CDKN2B-AS1: variants seen among roughly 807,000 people sequenced by gnomAD.
The protein encoded by CDKN2B-AS1 is CDKN2B and CDKN2A antisense cis and trans regulatory RNA 1.
At chr9:22,121,072 A>G (rs979803106) in intron 4 of CDKN2B-AS1, 2 of 152,162 alleles carry the variant, frequency 1.3e-5, no homozygotes, top group African/African-American at 2.4e-5. Context: ...AATTTACAAA[A>G]TAAAACTGGG....
intron 4 of CDKN2B-AS1, among the ~76,000 whole-genome samples, chr9:22,069,877 T>C (rs543313998): frequency 1.3e-5 from 2 of 152,290 alleles, no homozygotes; most frequent in Admixed American, 1.3e-4. Context: ...TTTTTTGTTT[T>C]TTCTTTTTGC....
At chr9:22,112,936 A>T (rs567637725) in intron 4 of CDKN2B-AS1, among the ~76,000 whole-genome samples, 1 of 152,304 alleles carries the variant, frequency 6.6e-6, no homozygotes, top group South Asian at 2.1e-4. Flanking sequence ...CAAAACTAGA[A>T]GGTTGGTACT....
intron 4 of CDKN2B-AS1, among the ~76,000 whole-genome samples, chr9:22,071,762 G>A (rs1824305266): frequency 6.6e-6 from 1 of 152,042 alleles, no homozygotes; most frequent in Admixed American, 6.6e-5. Context: ...GTATTAATGA[G>A]TTCAACTTCA....
At chr9:22,055,951 T>G (rs73650003) in intron 3 of CDKN2B-AS1, among the ~76,000 whole-genome samples, 6,265 of 152,076 alleles carry the variant, frequency 0.041, 343 homozygotes, top group African/African-American at 0.13. Context: ...TCAGATAGTA[T>G]GGAGGAAGAA....
intron 1 of CDKN2B-AS1, chr9:22,012,420 A>G: frequency 1.3e-6 from 1 of 765,322 alleles, no homozygotes; most frequent in Non-Finnish European, 2.4e-6. Flanking sequence ...ACCTAGAAAT[A>G]CAGCTGAAAC....
At chr9:22,038,888 A>G (rs1261578754) in intron 1 of CDKN2B-AS1, among the ~76,000 whole-genome samples, 1 of 152,088 alleles carries the variant, frequency 6.6e-6, no homozygotes, top group African/African-American at 2.4e-5. Context: ...GGTATAGTGT[A>G]TGCATAGTAA....
intron 1 of CDKN2B-AS1, among the ~76,000 whole-genome samples, chr9:22,033,852 T>C (rs1490692469): frequency 6.6e-6 from 1 of 152,210 alleles, no homozygotes; most frequent in Non-Finnish European, 1.5e-5. Context: ...TGGCACTGAA[T>C]GTGCTATCTC....
chr9:22,120,086 T>A (rs1826059816), intron 4 of CDKN2B-AS1: 1 of 152,262 alleles, frequency 6.6e-6, no homozygotes, highest in Non-Finnish European at 1.5e-5. Flanking sequence ...ACTTAGGTTG[T>A]TGTGAAGATT....
chr9:22,047,779 CT>C (rs1450873176), intron 2 of CDKN2B-AS1, among the ~76,000 whole-genome samples: 5 of 150,742 alleles, frequency 3.3e-5, no homozygotes, highest in Non-Finnish European at 7.4e-5. Flanking sequence ...GATGAGAAAA[CT>C]TTTTTTTTCT....
chr9:22,007,532 A>G (rs1298893401), intron 1 of CDKN2B-AS1, among the ~76,000 whole-genome samples: 1 of 152,186 alleles, frequency 6.6e-6, no homozygotes, highest in Non-Finnish European at 1.5e-5. Context: ...TTATAAGACA[A>G]TTTTTGGTAA....
chr9:22,043,556 T>A (rs1444467989), intron 1 of CDKN2B-AS1, among the ~76,000 whole-genome samples: 1 of 151,982 alleles, frequency 6.6e-6, no homozygotes, highest in African/African-American at 2.4e-5. Flanking sequence ...AAAGATTTGC[T>A]TCTTTCAAAA....
At chr9:22,057,635 C>G (rs1004936693) in intron 4 of CDKN2B-AS1, among the ~76,000 whole-genome samples, 5 of 151,850 alleles carry the variant, frequency 3.3e-5, no homozygotes, top group African/African-American at 1.2e-4. Context: ...ATGGTGTAAA[C>G]CCCATCTCTA....
intron 4 of CDKN2B-AS1, among the ~76,000 whole-genome samples, chr9:22,067,438 A>G (rs1446197534): frequency 6.6e-6 from 1 of 152,190 alleles, no homozygotes; most frequent in Non-Finnish European, 1.5e-5. Flanking sequence ...TGAGTCATGT[A>G]GGCAACTGTT....
At chr9:22,106,243 A>T (rs1289507589) in intron 4 of CDKN2B-AS1, among the ~76,000 whole-genome samples, 1 of 151,954 alleles carries the variant, frequency 6.6e-6, no homozygotes, top group Non-Finnish European at 1.5e-5. Flanking sequence ...CCACCATGCC[A>T]GGTTAATTTT....
At chr9:22,052,551 C>T (rs745658473) in intron 3 of CDKN2B-AS1, among the ~76,000 whole-genome samples, 10 of 152,078 alleles carry the variant, frequency 6.6e-5, no homozygotes, top group Non-Finnish European at 1.3e-4. Flanking sequence ...AGTTGAAGAC[C>T]CAGGCTGCCC....
rs561667055 is a variant in CDKN2B-AS1 at position 21,999,555 on chromosome 9, A to T, written n.29+4394A>T. ...TGGATACATATGTATATATGGATAG[A>T]TTTTACACCTACAGACACATTTAGA... On this transcript the variant is annotated intron_variant and non_coding_transcript_variant, in intron 1 of 4. Transcript: ENST00000650946. The surrounding 1 kb of genome is among the most constrained non-coding windows in gnomAD (Gnocchi z 4.7). Among the ~76,000 whole-genome samples, 4 of 152,162 alleles carry T rather than the reference A, an allele frequency of 2.6e-5. No individual in the cohort carries two copies. The South Asian group carries it at 8.3e-4, about 32-fold the overall frequency.
At chr9:22,045,991 T>G (rs936772298) in intron 1 of CDKN2B-AS1, among the ~76,000 whole-genome samples, 19 of 152,114 alleles carry the variant, frequency 1.2e-4, no homozygotes, top group Non-Finnish European at 2.9e-5. Flanking sequence ...GGCAGAAATT[T>G]TGTTTGCACT....
rs72652442 is a variant in CDKN2B-AS1, at chr9:22,095,180, C to G, written n.439-31923C>G. Among the ~76,000 whole-genome samples, 22 of 144,902 alleles carry G rather than the reference C, an allele frequency of 1.5e-4. 1 individual carries two copies. The highest frequency in any genetic ancestry group is 6.9e-3 in the Middle Eastern group (2 of 288). On this transcript the variant is annotated intron_variant and non_coding_transcript_variant, in intron 4 of 4. Coordinates refer to ENST00000650946, the Ensembl canonical transcript of CDKN2B-AS1. The stretch of plus-strand genomic sequence containing the variant: ...CTGATTGTTCCTCTGGAAGCTTCGT[C>G]TCAGAGGGGTACCCAGCCGTGTGAG...
At chr9:22,072,840 G>A (rs1053287852) in intron 4 of CDKN2B-AS1, among the ~76,000 whole-genome samples, 1 of 152,166 alleles carries the variant, frequency 6.6e-6, no homozygotes, top group African/African-American at 2.4e-5. Context: ...TTAACTTTGT[G>A]TCTTTGGGGA....
Sources: gnomAD v4.1 joint callset for allele counts (sites outside exome capture counted in the v4.1 genomes callset) on GRCh38, gnomAD v4.1.1 for gene constraint, Gnocchi (gnomAD v3.1) non-coding constraint, MANE v1.5 for transcripts, NCBI Gene and HGNC (gene_info 2026-07-23, HGNC 2026-07-21) for gene names.